The following PHLDB2 variants were observed in gnomAD, a reference collection of about 807,000 sequenced individuals.
PHLDB2 encodes pleckstrin homology like domain family B member 2, also known as pleckstrin homology-like domain family B member 2.
A neutral mutation model predicts 123.6 loss-of-function variants in PHLDB2; 71 were observed. The ratio of observed to expected loss-of-function variants is 0.57; its 90% CI spans 0.47 to 0.70. PHLDB2 has a LOEUF of 0.70. Among genes scored for constraint, PHLDB2 ranks in the 30% least tolerant of loss-of-function variants. PHLDB2 has a pLI of 0.00. For synonymous variants in PHLDB2, 547 were observed against 541.6 expected (o/e 1.01, Z -0.14); for missense variants, 1,446 against 1,519.5 (o/e 0.95, Z 0.80).
chr3:111,955,224 A>G (rs2070981540), intron 12 of PHLDB2, among the ~76,000 whole-genome samples: 1 of 151,538 alleles, frequency 6.6e-6, no homozygotes, highest in Non-Finnish European at 1.5e-5. Context: ...AGGGTATAGT[A>G]TTCATAATAG....
chr3:111,829,445 T>A (rs1435415347), intron 1 of PHLDB2, among the ~76,000 whole-genome samples: 1 of 140,106 alleles, frequency 7.1e-6, no homozygotes, highest in African/African-American at 2.6e-5. Flanking sequence ...TATTTCTTTT[T>A]CTTTTTCTTT....
chr3:111,759,540 G>A (rs2059958833), intron 1 of PHLDB2, among the ~76,000 whole-genome samples: 1 of 152,166 alleles, frequency 6.6e-6, no homozygotes, highest in South Asian at 2.1e-4. Flanking sequence ...ACATATGTAT[G>A]TATGTATATC....
intron 1 of PHLDB2, among the ~76,000 whole-genome samples, chr3:111,741,349 A>G (rs2059602024): frequency 6.6e-6 from 1 of 152,236 alleles, no homozygotes; most frequent in African/African-American, 2.4e-5. Context: ...CAGAAGATGC[A>G]GAACTGTTTC....
At chr3:111,805,761 G>A (rs1170847180) in intron 1 of PHLDB2, among the ~76,000 whole-genome samples, 1 of 147,836 alleles carries the variant, frequency 6.8e-6, no homozygotes, top group African/African-American at 2.5e-5. Flanking sequence ...GTGAGTGGGA[G>A]TGTTGACTGG....
intron 13 of PHLDB2, 66 bp downstream of exon 13, chr3:111,962,378 C>A: frequency 6.7e-7 from 1 of 1,500,682 alleles, no homozygotes; most frequent in Non-Finnish European, 9.0e-7. Context: ...AAAAGTAAAG[C>A]CATCAATTTG....
At chr3:111,962,929 C>CAAAAAAAAAAAAAAAAAAA (rs57625439) in intron 13 of PHLDB2, among the ~76,000 whole-genome samples, 9 of 93,818 alleles carry the variant, frequency 9.6e-5, no homozygotes, top group Admixed American at 1.3e-4. Flanking sequence ...AACTCCATCT[C>CAAAAAAAAAAAAAAAAAAA]AAAAAAAAAA....
Position 111,859,465 on chromosome 3 carries a change from AG to A in PHLDB2, c.-125del. On this transcript the variant is annotated 5_prime_UTR_variant, in exon 1 of 18. Transcript: ENST00000431670. ...AAGAGTGCCGGACCCAGCCGCGCGG[AG>A]CCCACCATTGCGGCCCGAGGGGGAC... 3 of 985,494 alleles carry A rather than the reference AG, an allele frequency of 3.0e-6. No homozygotes were observed. The South Asian group carries it at 1.4e-4, about 46-fold the overall frequency. The allele number at this position is 985,494 out of a possible 1,614,324, so 61.0% of individuals were successfully genotyped here. A position where few individuals can be genotyped will look rare whatever the true frequency, so the allele number is the denominator to read the frequency against.
Position 111,913,340 on chromosome 3 carries a change from A to G in PHLDB2, c.1357A>G (p.Ile453Val), listed in dbSNP as rs2067999131. Residue 453 changes from isoleucine (I) to valine (V), a missense_variant, in exon 3 of 18, where the codon ATC (isoleucine) becomes GTC (valine). This residue lies in a region of PHLDB2 where 832 missense variants were observed against 831.9 expected (regional missense o/e 1.00). Coordinates refer to ENST00000431670, the MANE Select transcript of PHLDB2 (RefSeq NM_001134438.2). Reference sequence around the variant, plus strand: ...CCAGGAGAGACAGCGTCTGGAGACCATCCTCAGTCTCTGTGCTGAATACAC... The same window carrying G: ...CCAGGAGAGACAGCGTCTGGAGACCGTCCTCAGTCTCTGTGCTGAATACAC... ...ERLERQRLET[I>V]LSLCAEYTKP... 2.5e-6 allele frequency: 4 copies of G among 1,604,020 alleles called. No homozygotes were observed. Among genetic ancestry groups the G allele is most frequent in the Non-Finnish European group, 3.4e-6 (4 of 1,175,520 alleles).
rs372194427 is a variant in PHLDB2, at chr3:111,952,702, T to C, written c.2762T>C (p.Ile921Thr). The change falls in exon 11 of 18, where the codon ATC (isoleucine) becomes ACC (threonine). Residue 921 changes from isoleucine (I) to threonine (T), a missense_variant. Physicochemically the swap from Ile to Thr is moderately conservative, Grantham distance 89 (BLOSUM62 -1). Coordinates refer to ENST00000431670, the MANE Select transcript of PHLDB2 (RefSeq NM_001134438.2). ...HFSSATMGRSITPKAHLPLGQ... is the reference protein window; with the variant it reads ...HFSSATMGRSTTPKAHLPLGQ... ...AGCAGTGCTACTATGGGGAGAAGCATCACCCCAAAGGTAGGACCTGGGAGA... is the reference window on the plus strand; with the variant it reads ...AGCAGTGCTACTATGGGGAGAAGCACCACCCCAAAGGTAGGACCTGGGAGA... 1.9e-6 allele frequency: 3 copies of C among 1,612,714 alleles called. No individual in the cohort carries two copies. In the African/African-American group the frequency reaches 4.0e-5, roughly 22 times the overall value.
chr3:111,913,203 T>G (rs2067986350), intron 2 of PHLDB2, 116 bp from the exon 3 acceptor site: 1 of 1,134,680 alleles, frequency 8.8e-7, no homozygotes, highest in South Asian at 1.7e-5. Flanking sequence ...GCCAAGTGTT[T>G]GTGGGTTTAT....
At chr3:111,756,662 T>G (rs12487268) in intron 1 of PHLDB2, among the ~76,000 whole-genome samples, 3 of 151,670 alleles carry the variant, frequency 2.0e-5, no homozygotes, top group East Asian at 1.9e-4. Flanking sequence ...AAAGTTAATA[T>G]TGTTATGTGT....
chr3:111,964,147 A>G (rs143225798), intron 13 of PHLDB2, among the ~76,000 whole-genome samples: 1 of 152,282 alleles, frequency 6.6e-6, no homozygotes, highest in Admixed American at 6.5e-5. Flanking sequence ...GGGATTAGTT[A>G]TCTGCAGTTG....
intron 1 of PHLDB2, among the ~76,000 whole-genome samples, chr3:111,800,081 T>G (rs1164358197): frequency 6.6e-6 from 1 of 152,144 alleles, no homozygotes; most frequent in African/African-American, 2.4e-5. Flanking sequence ...CACGGCTCAC[T>G]GCAGACTCAA....
At chr3:111,892,090 C>T (rs1265660104) in intron 2 of PHLDB2, among the ~76,000 whole-genome samples, 2 of 152,148 alleles carry the variant, frequency 1.3e-5, no homozygotes, top group Non-Finnish European at 2.9e-5. Context: ...ATACTTATTT[C>T]TCAAACATGT....
intron 1 of PHLDB2, among the ~76,000 whole-genome samples, chr3:111,805,418 G>T (rs985173549): frequency 1.3e-5 from 2 of 151,662 alleles, no homozygotes; most frequent in African/African-American, 4.9e-5. Flanking sequence ...AAAATTAGCT[G>T]GGCATGGTGG....
At chr3:111,938,129 G>A (rs1401047591) in intron 6 of PHLDB2, among the ~76,000 whole-genome samples, 1 of 152,140 alleles carries the variant, frequency 6.6e-6, no homozygotes, top group Non-Finnish European at 1.5e-5. Flanking sequence ...GTAAAAAGGT[G>A]TGTACATATT....
chr3:111,760,122 G>A (rs1021360768), intron 1 of PHLDB2, among the ~76,000 whole-genome samples: 2 of 152,152 alleles, frequency 1.3e-5, no homozygotes, highest in African/African-American at 4.8e-5. Context: ...AATACTTCTT[G>A]CCTTCATGTG....
At chr3:111,853,544 T>A (rs890948743) in intron 2 of PHLDB2, among the ~76,000 whole-genome samples, 17 of 152,242 alleles carry the variant, frequency 1.1e-4, no homozygotes, top group Admixed American at 1.1e-3. Flanking sequence ...CTGTCCTCTG[T>A]GCAAGGAATG....
At chr3:111,830,957 G>A (rs200619539) in intron 1 of PHLDB2, among the ~76,000 whole-genome samples, 421 of 27,352 alleles carry the variant, frequency 0.015, 30 homozygotes, top group African/African-American at 0.038. Context: ...GAAAGAAAGA[G>A]AAAGAAAGAA....
Sources: allele counts gnomAD v4.1 joint callset (sites outside exome capture counted in the v4.1 genomes callset), GRCh38; gene constraint gnomAD v4.1.1; regional missense constraint gnomAD v4.1.1; transcripts MANE v1.5; gene names NCBI Gene and HGNC (gene_info 2026-07-23, HGNC 2026-07-21).